Variants in ZC3H12B observed in about 807,000 individuals in gnomAD.
ZC3H12B encodes the protein probable ribonuclease ZC3H12B.
A neutral mutation model predicts 43.9 loss-of-function variants in ZC3H12B; 7 were observed. That is an observed-to-expected ratio of 0.16 (90% CI 0.09 to 0.30). The LOEUF (loss-of-function observed/expected upper bound fraction) is 0.30. Ranked by LOEUF, ZC3H12B falls within the 10% of genes least tolerant of loss-of-function variation. ZC3H12B has a pLI of 1.00. For synonymous variants in ZC3H12B, 222 were observed against 241.7 expected, an observed-to-expected ratio of 0.92 and a Z score of 0.76; for missense variants, 475 against 670.2, an observed-to-expected ratio of 0.71 and a Z score of 3.22.
At chrX:65,388,349 C>T (rs1327063117) in intron 2 of ZC3H12B, among the ~76,000 whole-genome samples, 1 of 111,417 alleles carries the variant, frequency 9.0e-6, no homozygotes, top group Non-Finnish European at 1.9e-5. Flanking sequence ...TTTGTTTATC[C>T]TTTTTTCTCT....
the ZC3H12B span, among the ~76,000 whole-genome samples, chrX:65,244,121 A>T: frequency 9.0e-6 from 1 of 111,661 alleles, no homozygotes; most frequent in Non-Finnish European, 1.9e-5. Context: ...GAAGAGTGGA[A>T]TGGTACTATC....
At chrX:65,414,677 C>T (rs987887999) in intron 3 of ZC3H12B, among the ~76,000 whole-genome samples, 1 of 111,080 alleles carries the variant, frequency 9.0e-6, no homozygotes, top group African/African-American at 3.3e-5. Context: ...GTATGGCCTT[C>T]AGAGACCCAG....
At chrX:65,130,917 T>G in the ZC3H12B span, among the ~76,000 whole-genome samples, 56 of 111,921 alleles carry the variant, frequency 5.0e-4, no homozygotes, top group African/African-American at 1.8e-3. Context: ...TCTGATGCCT[T>G]TTGATGGCCC....
At chrX:65,406,592 C>CTGGGCGGGGATGGGCGGGGA (rs1569396808) in intron 3 of ZC3H12B, among the ~76,000 whole-genome samples, 16 of 22,152 alleles carry the variant, frequency 7.2e-4, no homozygotes, top group African/African-American at 1.6e-3. Context: ...CTGGGCGGGG[C>CTGGGCGGGGATGGGCGGGGA]TGGGCGGGGC....
chrX:65,151,910 G>T, the ZC3H12B span, among the ~76,000 whole-genome samples: 5 of 111,656 alleles, frequency 4.5e-5, no homozygotes, highest in East Asian at 2.8e-4. Context: ...ATCCCTGGGA[G>T]GCAAGGCTGG....
the ZC3H12B span, among the ~76,000 whole-genome samples, chrX:65,274,204 G>A: frequency 9.0e-6 from 1 of 111,634 alleles, no homozygotes; most frequent in African/African-American, 3.3e-5. Flanking sequence ...TTACAATAGG[G>A]GAATTCCACA....
chrX:65,227,459 C>A, the ZC3H12B span, among the ~76,000 whole-genome samples: 1 of 110,559 alleles, frequency 9.0e-6, no homozygotes. Context: ...ACCCTAACAT[C>A]ACAATTAAAA....
intron 3 of ZC3H12B, among the ~76,000 whole-genome samples, chrX:65,457,917 C>T (rs1265754929): frequency 1.5e-5 from 1 of 65,066 alleles, no homozygotes; most frequent in East Asian, 4.2e-4. Flanking sequence ...TACCCAGGGA[C>T]ACAAACACTG....
the ZC3H12B span, among the ~76,000 whole-genome samples, chrX:65,254,139 A>AC: frequency 1.8e-5 from 2 of 109,472 alleles, no homozygotes; most frequent in Non-Finnish European, 3.8e-5. Flanking sequence ...CCAGCACTCC[A>AC]CCCCCCCACT....
the ZC3H12B span, among the ~76,000 whole-genome samples, chrX:65,337,435 A>G: frequency 8.9e-6 from 1 of 112,519 alleles, no homozygotes; most frequent in African/African-American, 3.2e-5. Context: ...TGACTTTTTT[A>G]AGGCCTATTG....
chrX:65,232,376 C>T, the ZC3H12B span, among the ~76,000 whole-genome samples: 9 of 111,599 alleles, frequency 8.1e-5, no homozygotes, highest in Middle Eastern at 4.6e-3. Flanking sequence ...TCCCTCCGTT[C>T]GGGGTCCCTG....
intron 2 of ZC3H12B, among the ~76,000 whole-genome samples, chrX:65,374,922 T>C (rs1035281777): frequency 1.8e-5 from 2 of 111,025 alleles, no homozygotes; most frequent in African/African-American, 6.6e-5. Flanking sequence ...CATGATCCAA[T>C]TACCTCCCAT....
At chrX:65,472,777 ATGTT>A (rs1315911074) in intron 3 of ZC3H12B, among the ~76,000 whole-genome samples, 1 of 84,084 alleles carries the variant, frequency 1.2e-5, no homozygotes, top group East Asian at 4.1e-4. Context: ...ATTTTGGCCT[ATGTT>A]TGTTTTTATG....
chrX:65,188,358 A>ATT, the ZC3H12B span, among the ~76,000 whole-genome samples: 273 of 75,806 alleles, frequency 3.6e-3, 3 homozygotes, highest in African/African-American at 5.9e-3. Context: ...TGGTTGCTCT[A>ATT]TTTTTTTTTT....
chrX:65,188,362 T>TA, the ZC3H12B span, among the ~76,000 whole-genome samples: 1 of 106,344 alleles, frequency 9.4e-6, no homozygotes, highest in African/African-American at 3.4e-5. Context: ...TGCTCTATTT[T>TA]TTTTTTTTTT....
At chrX:65,316,610 T>C in the ZC3H12B span, among the ~76,000 whole-genome samples, 1 of 111,846 alleles carries the variant, frequency 8.9e-6, no homozygotes, top group African/African-American at 3.3e-5. Context: ...ATGAAATTCA[T>C]AACCACCAGG....
intron 3 of ZC3H12B, among the ~76,000 whole-genome samples, chrX:65,414,631 C>A (rs1270346355): frequency 9.0e-6 from 1 of 111,379 alleles, no homozygotes; most frequent in South Asian, 3.8e-4. Flanking sequence ...TGTTAATAAA[C>A]TTTGGATGCC....
At chrX:65,269,853 A>G in the ZC3H12B span, among the ~76,000 whole-genome samples, 1 of 111,559 alleles carries the variant, frequency 9.0e-6, no homozygotes, top group African/African-American at 3.3e-5. Context: ...ACCTAAAACT[A>G]TAAAACTAAT....
chrX:65,480,757 A>T (rs1361071215), intron 3 of ZC3H12B, among the ~76,000 whole-genome samples: 1 of 110,057 alleles, frequency 9.1e-6, no homozygotes. Flanking sequence ...GAGACAGGAG[A>T]ATCGCTTGAA....
Sources: allele counts gnomAD v4.1 joint callset (sites outside exome capture counted in the v4.1 genomes callset), GRCh38; gene constraint gnomAD v4.1.1; transcripts MANE v1.5; gene names NCBI Gene and HGNC (gene_info 2026-07-23, HGNC 2026-07-21).